Variants in HS2ST1 observed in about 807,000 individuals in gnomAD.
HS2ST1 encodes 2-O-sulfotransferase.
HS2ST1 carries 18 observed loss-of-function variants against 42.9 expected under a neutral mutation model. The ratio of observed to expected loss-of-function variants is 0.42; its 90% CI spans 0.29 to 0.62. The LOEUF (loss-of-function observed/expected upper bound fraction) is 0.62, where lower values mean the gene tolerates loss of function less well. Among genes scored for constraint, HS2ST1 ranks in the 20% least tolerant of loss-of-function variants. The pLI is 0.21. For missense variants in HS2ST1, 334 were observed against 433.8 expected, an observed-to-expected ratio of 0.77 and a Z score of 2.04; for synonymous variants, 146 against 152.9, an observed-to-expected ratio of 0.95 and a Z score of 0.33.
At chr1:87,060,189 T>TA (rs1398877969) in intron 1 of HS2ST1, among the ~76,000 whole-genome samples, 1 of 152,178 alleles carries the variant, frequency 6.6e-6, no homozygotes, top group Admixed American at 6.5e-5. Context: ...GTTTTTCTTT[T>TA]AAGCACCTGG....
intron 1 of HS2ST1, among the ~76,000 whole-genome samples, chr1:87,020,898 G>T (rs189163568): frequency 2.6e-5 from 4 of 152,230 alleles, no homozygotes; most frequent in African/African-American, 9.6e-5. Context: ...AAGATCTTTA[G>T]CCCTCATCTA....
chr1:86,940,245 G>A (rs1293351385), intron 1 of HS2ST1, among the ~76,000 whole-genome samples: 2 of 152,144 alleles, frequency 1.3e-5, no homozygotes, highest in Non-Finnish European at 2.9e-5. Flanking sequence ...ATGGTGGTGT[G>A]TGCCTATAGA....
intron 1 of HS2ST1, among the ~76,000 whole-genome samples, chr1:86,983,296 A>C (rs1011283382): frequency 6.6e-6 from 1 of 152,192 alleles, no homozygotes; most frequent in Admixed American, 6.5e-5. Flanking sequence ...GTAATTTATA[A>C]AAGAAAGAGG....
At chr1:87,045,311 C>T (rs1570508494) in intron 1 of HS2ST1, 1 of 1,181,734 alleles carries the variant, frequency 8.5e-7, no homozygotes, top group South Asian at 1.2e-5. Flanking sequence ...AAGCCAGCTG[C>T]AATTTCTCAT....
At chr1:86,966,200 A>C (rs1648041950) in intron 1 of HS2ST1, among the ~76,000 whole-genome samples, 1 of 152,204 alleles carries the variant, frequency 6.6e-6, no homozygotes, top group South Asian at 2.1e-4. Flanking sequence ...TGTGCTGGAA[A>C]ATTTCCTGTA....
chr1:86,920,086 A>C (rs1419985057), intron 1 of HS2ST1, among the ~76,000 whole-genome samples: 1 of 152,208 alleles, frequency 6.6e-6, no homozygotes, highest in African/African-American at 2.4e-5. Context: ...TGATAGAACT[A>C]TGTGCTTGGT....
intron 1 of HS2ST1, among the ~76,000 whole-genome samples, chr1:86,924,269 A>G (rs1368572797): frequency 6.6e-6 from 1 of 152,174 alleles, no homozygotes; most frequent in Non-Finnish European, 1.5e-5. Context: ...GCTTTGCATG[A>G]TATAGCCCCC....
chr1:87,096,554 C>G (rs1285010262), intron 4 of HS2ST1, among the ~76,000 whole-genome samples: 1 of 152,156 alleles, frequency 6.6e-6, no homozygotes, highest in Non-Finnish European at 1.5e-5. Flanking sequence ...TATCATTGGC[C>G]TATCACAGGA....
At chr1:87,081,999 A>G (rs190294908) in intron 2 of HS2ST1, among the ~76,000 whole-genome samples, 71 of 151,944 alleles carry the variant, frequency 4.7e-4, no homozygotes, top group African/African-American at 1.7e-3. Context: ...AAAAAGAAAA[A>G]AAAAGAAGGT....
intron 4 of HS2ST1, among the ~76,000 whole-genome samples, chr1:87,097,378 A>ATTTTG (rs901512834): frequency 1.4e-4 from 21 of 151,988 alleles, no homozygotes; most frequent in African/African-American, 3.1e-4. Flanking sequence ...GCAGTATGTG[A>ATTTTG]TTTTGTTTTG....
intron 1 of HS2ST1, among the ~76,000 whole-genome samples, chr1:86,947,797 G>GA (rs1202706722): frequency 1.3e-5 from 2 of 152,102 alleles, no homozygotes; most frequent in Non-Finnish European, 2.9e-5. Flanking sequence ...GAGGGAAGGA[G>GA]ACACAAGGTA....
chr1:87,088,545 G>T (rs1246665326), intron 3 of HS2ST1, among the ~76,000 whole-genome samples: 1 of 152,024 alleles, frequency 6.6e-6, no homozygotes, highest in African/African-American at 2.4e-5. Flanking sequence ...GTTTTGTGCG[G>T]ACTTATGTCT....
intron 1 of HS2ST1, among the ~76,000 whole-genome samples, chr1:86,953,076 T>C (rs958413465): frequency 6.6e-6 from 1 of 152,204 alleles, no homozygotes; most frequent in Non-Finnish European, 1.5e-5. Context: ...GGGGATAACT[T>C]CCTACAGCTT....
intron 1 of HS2ST1, chr1:86,934,708 AC>A (rs1212367030): frequency 1.3e-5 from 2 of 152,356 alleles, no homozygotes; most frequent in Non-Finnish European, 2.9e-5. Flanking sequence ...TGGGCGGATC[AC>A]CAGGTCAGGA....
chr1:86,980,923 T>C (rs78712975), intron 1 of HS2ST1, among the ~76,000 whole-genome samples: 1,865 of 152,326 alleles, frequency 0.012, 48 homozygotes, highest in African/African-American at 0.042. Flanking sequence ...ATATAAAATA[T>C]GAATTAGTCT....
chr1:87,016,864 GTT>G (rs5775931), intron 1 of HS2ST1, among the ~76,000 whole-genome samples: 7 of 148,994 alleles, frequency 4.7e-5, no homozygotes, highest in East Asian at 4.0e-4. Context: ...TGGTTATTGG[GTT>G]TTTTTTTTTC....
At chr1:86,950,379 G>A (rs1048454989) in intron 1 of HS2ST1, among the ~76,000 whole-genome samples, 2 of 152,002 alleles carry the variant, frequency 1.3e-5, no homozygotes, top group South Asian at 4.1e-4. Context: ...TAGGTAGGTA[G>A]GTAGATAGAC....
intron 3 of HS2ST1, among the ~76,000 whole-genome samples, chr1:87,090,513 C>G (rs1026015076): frequency 5.9e-5 from 9 of 151,984 alleles, no homozygotes; most frequent in African/African-American, 2.2e-4. Flanking sequence ...CTTGATAGCT[C>G]TTAGGTGCAG....
At chr1:87,027,317 A>G (rs1444791595) in intron 1 of HS2ST1, among the ~76,000 whole-genome samples, 1 of 152,230 alleles carries the variant, frequency 6.6e-6, no homozygotes, top group East Asian at 1.9e-4. Flanking sequence ...GTTTCATAAG[A>G]TAAGCACTAT....
Sources: gnomAD v4.1 joint callset for allele counts (sites outside exome capture counted in the v4.1 genomes callset) on GRCh38, gnomAD v4.1.1 for gene constraint, MANE v1.5 for transcripts, NCBI Gene and HGNC (gene_info 2026-07-23, HGNC 2026-07-21) for gene names.